Variants in BLK observed in about 807,000 individuals in gnomAD.
BLK encodes tyrosine-protein kinase Blk.
A neutral mutation model predicts 61.8 loss-of-function variants in BLK; 64 were observed. That is an observed-to-expected ratio of 1.03 (90% CI 0.85 to 1.27). BLK has a LOEUF of 1.27. BLK is among the 50% of genes most tolerant of loss of function. BLK has a pLI of 0.00. For missense variants in BLK, 853 were observed against 660.5 expected (o/e 1.29, Z -3.19); for synonymous variants, 351 against 272.0 (o/e 1.29, Z -2.86).
chr8:11,517,443 C>G (rs1323385684), intron 1 of BLK, among the ~76,000 whole-genome samples: 1 of 152,182 alleles, frequency 6.6e-6, no homozygotes, highest in Non-Finnish European at 1.5e-5. Flanking sequence ...GTCAGCTGGT[C>G]CTCTGACTTC....
intron 1 of BLK, among the ~76,000 whole-genome samples, chr8:11,510,078 C>A (rs975305130): frequency 6.6e-6 from 1 of 152,138 alleles, no homozygotes; most frequent in African/African-American, 2.4e-5. Context: ...TTTTGTATCA[C>A]CATAGCAGGT....
At chr8:11,549,166 T>C (rs1437033414) in intron 5 of BLK, 44 bp downstream of exon 5, 2 of 1,522,314 alleles carry the variant, frequency 1.3e-6, no homozygotes, top group South Asian at 1.2e-5. Flanking sequence ...ATGCAGTCAC[T>C]GTTTCTGCTC....
chr8:11,514,862 A>G (rs146217297), intron 1 of BLK, among the ~76,000 whole-genome samples: 7 of 152,300 alleles, frequency 4.6e-5, no homozygotes, highest in Non-Finnish European at 8.8e-5. Context: ...AAGCTATTAC[A>G]GTCCCAGATC....
At chr8:11,520,514 A>G (rs1448624542) in intron 1 of BLK, among the ~76,000 whole-genome samples, 23 of 150,662 alleles carry the variant, frequency 1.5e-4, no homozygotes, top group African/African-American at 5.6e-4. Flanking sequence ...GAAGAAAGAA[A>G]AAGAAAGAAA....
chr8:11,506,436 G>T (rs922436631), intron 1 of BLK, among the ~76,000 whole-genome samples: 23 of 152,332 alleles, frequency 1.5e-4, no homozygotes, highest in African/African-American at 5.3e-4. Context: ...GGCAGGTTAG[G>T]CTTCTTATGA....
At chr8:11,525,195 A>G (rs962503276) in intron 1 of BLK, among the ~76,000 whole-genome samples, 19 of 152,202 alleles carry the variant, frequency 1.2e-4, no homozygotes, top group Admixed American at 3.3e-4. Context: ...ACACAGACGT[A>G]TTTGCTTTAA....
At chr8:11,559,926 T>A (rs1311594421) in intron 10 of BLK, 1 of 441,830 alleles carries the variant, frequency 2.3e-6, no homozygotes, top group East Asian at 7.0e-5. Context: ...GGGCAGCTTC[T>A]TCTTGAAAGC....
At position 11,495,143 on chromosome 8, in the gene BLK, A is replaced by G. The variant is rs576184329; in HGVS notation, c.-2+552A>G. On this transcript the variant is annotated intron_variant, in intron 1 of 12. Coordinates refer to ENST00000259089, the MANE Select transcript of BLK (RefSeq NM_001715.3). Reference sequence around the variant, plus strand: ...TCTTCTTGTTTAAGAGATCTATTTCACCAGGAAACACCAACTGTGAAAAGG... The same window carrying G: ...TCTTCTTGTTTAAGAGATCTATTTCGCCAGGAAACACCAACTGTGAAAAGG... 4.6e-5 allele frequency among the ~76,000 whole-genome samples: 7 copies of G among 152,368 alleles called. No individual in the cohort carries two copies. The South Asian group carries it at 1.4e-3, about 32-fold the overall frequency.
rs761768063 is a variant in BLK at position 11,548,084 on chromosome 8, C to G, written c.228C>G (p.Asp76Glu). ...LYDYTAMNDRDLQMLKGEKLQ... is the reference protein window; with the variant it reads ...LYDYTAMNDRELQMLKGEKLQ... Reference sequence around the variant, plus strand: ...ACTACACCGCTATGAATGATCGGGACCTGCAGATGCTGAAGGGGGAGAAGC... The same window carrying G: ...ACTACACCGCTATGAATGATCGGGAGCTGCAGATGCTGAAGGGGGAGAAGC... Residue 76 changes from aspartate to glutamate, a missense_variant, in exon 4 of 13, where the codon GAC (aspartate) becomes GAG (glutamate). Asp to Glu is a conservative substitution (Grantham distance 45, BLOSUM62 2). Coordinates refer to ENST00000259089, the MANE Select transcript of BLK (RefSeq NM_001715.3). 7.4e-6 allele frequency: 12 copies of G among 1,613,954 alleles called. No individual in the cohort carries two copies. The highest frequency in any genetic ancestry group is 9.3e-6 in the Non-Finnish European group (11 of 1,180,016).
intron 1 of BLK, among the ~76,000 whole-genome samples, chr8:11,511,310 G>T (rs571739440): frequency 3.9e-5 from 6 of 152,122 alleles, no homozygotes; most frequent in Non-Finnish European, 8.8e-5. Context: ...GGGAGAGCGG[G>T]GAGGGATAGC....
chr8:11,509,469 C>A (rs553118357), intron 1 of BLK: 9 of 152,342 alleles, frequency 5.9e-5, no homozygotes, highest in East Asian at 1.9e-4. Flanking sequence ...AGTCTCTGTG[C>A]GGCAGACTTG....
At chr8:11,546,245 CTGTGCCTCT>C (rs1318425957) in intron 3 of BLK, 142 bp downstream of exon 3, 26 of 1,001,330 alleles carry the variant, frequency 2.6e-5, no homozygotes, top group Non-Finnish European at 3.7e-5. Flanking sequence ...GGCCCCGGCT[CTGTGCCTCT>C]TGGGGCGTCT....
At chr8:11,550,375 G>A (rs1029016657) in intron 6 of BLK, 113 bp downstream of exon 6, 8 of 1,002,842 alleles carry the variant, frequency 8.0e-6, no homozygotes, top group African/African-American at 1.6e-5. Flanking sequence ...AGAACCAGCA[G>A]CTTCCGGGCT....
chr8:11,556,697 T>C lies in BLK; in HGVS notation c.812T>C (p.Leu271Pro), dbSNP rs1326116637. 3 of 1,614,136 alleles carry C rather than the reference T, an allele frequency of 1.9e-6. No individual in the cohort carries two copies. The highest frequency in any genetic ancestry group is 2.5e-6 in the Non-Finnish European group (3 of 1,180,024). Reference protein sequence around the residue: ...KNNMKVAIKTLKEGTMSPEAF... With the variant: ...KNNMKVAIKTPKEGTMSPEAF... ...AACATGAAGGTGGCCATTAAGACGC[T>C]GAAGGAGGGAACCATGTCTCCAGAA... The change falls in exon 9 of 13, where the codon CTG (leucine) becomes CCG (proline). Residue 271 changes from leucine (L) to proline (P), a missense_variant. By Grantham distance (98) the Leu-to-Pro change is moderately conservative. Coordinates refer to ENST00000259089, the MANE Select transcript of BLK (RefSeq NM_001715.3).
chr8:11,513,306 C>A (rs1389392159), intron 1 of BLK, among the ~76,000 whole-genome samples: 1 of 152,252 alleles, frequency 6.6e-6, no homozygotes, highest in Non-Finnish European at 1.5e-5. Flanking sequence ...AAGGCTGATG[C>A]TGGCAGCAAT....
chr8:11,553,303 C>T (rs1188911635), intron 6 of BLK: 3 of 358,298 alleles, frequency 8.4e-6, no homozygotes, highest in African/African-American at 6.5e-5. Context: ...GGCAGGCGGT[C>T]CTTCAGTGCT....
chr8:11,521,601 T>C (rs1293328096), intron 1 of BLK, among the ~76,000 whole-genome samples: 2 of 152,386 alleles, frequency 1.3e-5, no homozygotes, highest in Middle Eastern at 3.4e-3. Context: ...CATATTTATG[T>C]CTTTAATCAA....
At chr8:11,496,113 C>T (rs977386334) in intron 1 of BLK, among the ~76,000 whole-genome samples, 2 of 152,196 alleles carry the variant, frequency 1.3e-5, no homozygotes, top group African/African-American at 4.8e-5. Context: ...ATCCATCATT[C>T]TCTCTCCCAA....
intron 1 of BLK, among the ~76,000 whole-genome samples, chr8:11,535,001 C>T (rs77358795): frequency 0.025 from 3,788 of 152,062 alleles, 110 homozygotes; most frequent in African/African-American, 0.063. Context: ...TGATGAAATC[C>T]CACCTCTACA....
Sources: allele counts gnomAD v4.1 joint callset (sites outside exome capture counted in the v4.1 genomes callset), GRCh38; gene constraint gnomAD v4.1.1; transcripts MANE v1.5; gene names NCBI Gene and HGNC (gene_info 2026-07-23, HGNC 2026-07-21).